The following LRP6 variants were observed in gnomAD, a reference collection of about 807,000 sequenced individuals.
The protein encoded by LRP6 is low-density lipoprotein receptor-related protein 6.
A neutral mutation model predicts 184.1 loss-of-function variants in LRP6; 43 were observed. The ratio of observed to expected loss-of-function variants is 0.23; its 90% CI spans 0.18 to 0.30. The LOEUF is 0.30. Ranked by LOEUF, LRP6 falls within the 10% of genes least tolerant of loss-of-function variation. The pLI, the probability that LRP6 is intolerant of heterozygous loss-of-function variation, is 1.00. For synonymous variants in LRP6, 719 were observed against 684.9 expected (o/e 1.05, Z -0.78); for missense variants, 1,571 against 2,005.3 (o/e 0.78, Z 4.14).
chr12:12,164,618 C>A, intron 8 of LRP6, 56 bp from the exon 9 acceptor site: 1 of 1,534,628 alleles, frequency 6.5e-7, no homozygotes. Flanking sequence ...ATACATTCAA[C>A]ATATTTTCAC....
At chr12:12,167,641 C>CAA (rs375921278) in intron 7 of LRP6, among the ~76,000 whole-genome samples, 9,632 of 118,908 alleles carry the variant, frequency 0.081, 350 homozygotes, top group Middle Eastern at 0.14. Context: ...GACTCTGTCT[C>CAA]AAAAAAAAAA....
intron 15 of LRP6, chr12:12,138,956 A>G: frequency 7.3e-7 from 1 of 1,364,712 alleles, no homozygotes; most frequent in Non-Finnish European, 9.8e-7. Context: ...ACACAATTAG[A>G]AAAAATGACT....
intron 20 of LRP6, among the ~76,000 whole-genome samples, chr12:12,125,954 G>A (rs1209267135): frequency 6.6e-6 from 1 of 152,064 alleles, no homozygotes; most frequent in African/African-American, 2.4e-5. Context: ...CTGAAAATAG[G>A]TATGGCAACA....
intron 2 of LRP6, among the ~76,000 whole-genome samples, chr12:12,232,676 A>G (rs1864823374): frequency 6.6e-6 from 1 of 152,112 alleles, no homozygotes; most frequent in Admixed American, 6.5e-5. Context: ...TGATGAAAAC[A>G]CATAAAAGAT....
intron 2 of LRP6, among the ~76,000 whole-genome samples, chr12:12,228,097 G>A (rs1355772210): frequency 1.3e-5 from 2 of 152,166 alleles, no homozygotes; most frequent in Non-Finnish European, 1.5e-5. Context: ...CTGGCCAGGT[G>A]CAGTGGCTCA....
rs12304957 is a variant in LRP6, at chr12:12,264,352, C to T, written c.55+2329G>A. ...GTAAAGAAACTGAGACCTAGAGAAG[C>T]GGACTAGACCAGAACCACAAAGTTA... On this transcript the variant is annotated intron_variant, in intron 1 of 22. Coordinates refer to ENST00000261349, the MANE Select transcript of LRP6 (RefSeq NM_002336.3). Among the ~76,000 whole-genome samples, 237 of 152,136 alleles carry T rather than the reference C, an allele frequency of 1.6e-3. 1 individual carries two copies. The highest frequency in any genetic ancestry group is 5.4e-3 in the Admixed American group (82 of 15,272).
chr12:12,137,507 GA>G (rs1013538353), intron 16 of LRP6, among the ~76,000 whole-genome samples: 3 of 152,000 alleles, frequency 2.0e-5, no homozygotes, highest in South Asian at 2.1e-4. Flanking sequence ...CAAAGGGGGG[GA>G]AAAAAACCAA....
chr12:12,244,195 GGTGT>G, intron 2 of LRP6, 63 bp downstream of exon 2: 1 of 1,465,532 alleles, frequency 6.8e-7, no homozygotes, highest in Non-Finnish European at 9.5e-7. Context: ...GGGTCAGGGT[GGTGT>G]ATGTCAGTGG....
chr12:12,193,755 G>C (rs1379371356), intron 3 of LRP6, among the ~76,000 whole-genome samples: 2 of 152,058 alleles, frequency 1.3e-5, no homozygotes, highest in Non-Finnish European at 2.9e-5. Flanking sequence ...TTCCCAAAAA[G>C]AAATCCCCAT....
chr12:12,260,821 G>C (rs567270935), intron 1 of LRP6, among the ~76,000 whole-genome samples: 18 of 152,302 alleles, frequency 1.2e-4, no homozygotes, highest in Non-Finnish European at 2.9e-5. Flanking sequence ...TTCTGCTATA[G>C]TACCTTCCAT....
rs1555113238 is a variant in LRP6 at position 12,184,389 on chromosome 12, A to AAAAC, written c.845-282_845-279dup. 0.34 allele frequency among the ~76,000 whole-genome samples: 35,593 copies of AAAAC among 106,242 alleles called. 4,933 individuals are homozygous for AAAAC. The highest frequency in any genetic ancestry group is 0.46 in the African/African-American group (15,769 of 34,552). The allele number at this position is 106,242 out of a possible 152,430, so 69.7% of individuals were successfully genotyped here. On this transcript the variant is annotated intron_variant, in intron 4 of 22. Coordinates refer to ENST00000261349, the MANE Select transcript of LRP6 (RefSeq NM_002336.3). ...ACAAAATTAACAAAAAGCAAAACTAAAAACAAACAAACAAACAAACAAAAC... is the reference window on the plus strand; with the variant it reads ...ACAAAATTAACAAAAAGCAAAACTAAAAACAAACAAACAAACAAACAAACAAAAC...
At chr12:12,219,555 T>C (rs1006287450) in intron 2 of LRP6, among the ~76,000 whole-genome samples, 2 of 152,046 alleles carry the variant, frequency 1.3e-5, no homozygotes, top group African/African-American at 4.8e-5. Context: ...TTTTCAACAT[T>C]AGAAAGGGGG....
rs1299216550 is a variant in LRP6 at position 12,117,465 on chromosome 12, C to T, written c.*3661G>A. ...TTTTGTTTCTGAATCTTGTTAGATA[C>T]GTAATGATAACCAATATGTAATTCC... On this transcript the variant is annotated 3_prime_UTR_variant, in exon 23 of 23. Transcript: ENST00000261349. 6.6e-6 allele frequency: 1 copy of T among 152,184 alleles called. No individual in the cohort carries two copies. Among genetic ancestry groups the T allele is most frequent in the Non-Finnish European group, 1.5e-5 (1 of 68,016 alleles). 9.4% of individuals were successfully genotyped at this position (152,184 alleles called of 1,614,324 possible). A position where few individuals can be genotyped will look rare whatever the true frequency, so the allele number is the denominator to read the frequency against.
In LRP6 at chr12:12,186,994, A is replaced by G; in HGVS notation, c.773T>C (p.Leu258Pro). ...GAAGATGTCAGAATGGATTTCACGC[A>G]GACCCTCACCAGTATACTTGTTGCA... ...LACNKYTGEG[L>P]REIHSDIFSP... The change falls in exon 4 of 23, where the codon CTG becomes CCG. Residue 258 changes from leucine to proline, a missense_variant. Around this residue, in one of 4 missense-constraint regions of LRP6, gnomAD observed 640 missense variants for 851.9 expected, o/e 0.75. Transcript: ENST00000261349. 1 of 1,614,174 alleles carries G rather than the reference A, an allele frequency of 6.2e-7. No homozygotes were observed. Among genetic ancestry groups the G allele is most frequent in the Non-Finnish European group, 8.5e-7 (1 of 1,180,010 alleles).
chr12:12,201,511 T>G (rs531386010), intron 3 of LRP6, among the ~76,000 whole-genome samples: 1 of 152,260 alleles, frequency 6.6e-6, no homozygotes, highest in African/African-American at 2.4e-5. Context: ...TCAAGTCTTA[T>G]GAGACACCCT....
Position 12,205,325 on chromosome 12 carries a change from C to CAAAAA in LRP6, c.450-1926_450-1925insTTTTT, listed in dbSNP as rs1334062234. On this transcript the variant is annotated intron_variant, in intron 2 of 22. Transcript: ENST00000261349. ...CAACAGAATAAGACTCTGTCTCAAA[C>CAAAAA]AAACAAAAAAAAAAAAAAAAAAAAA... Among the ~76,000 whole-genome samples the CAAAAA allele has an allele frequency of 9.2e-3, 242 of 26,204 alleles. 8 individuals carry two copies. The highest frequency in any genetic ancestry group is 0.021 in the African/African-American group (221 of 10,444). 17.2% of individuals were successfully genotyped at this position (26,204 alleles called of 152,430 possible). A position where few individuals can be genotyped will look rare whatever the true frequency, so the allele number is the denominator to read the frequency against.
chr12:12,228,778 G>C (rs1417601945), intron 2 of LRP6, among the ~76,000 whole-genome samples: 1 of 151,984 alleles, frequency 6.6e-6, no homozygotes, highest in East Asian at 1.9e-4. Flanking sequence ...CACCCACCCC[G>C]CTACTGCCCA....
At chr12:12,220,864 T>C (rs1354987966) in intron 2 of LRP6, among the ~76,000 whole-genome samples, 1 of 152,214 alleles carries the variant, frequency 6.6e-6, no homozygotes, top group African/African-American at 2.4e-5. Flanking sequence ...TCTCCGAAAG[T>C]GCTGGGATTA....
rs576056278 is a variant in LRP6, at chr12:12,176,442, A to T, written c.1545+3368T>A. The stretch of plus-strand genomic sequence containing the variant: ...GAGCCAAATACCACAACCATCTTTT[A>T]AAAAATGTGACATCATTAGCAATGC... On this transcript the variant is annotated intron_variant, in intron 7 of 22. Transcript: ENST00000261349. Among the ~76,000 whole-genome samples the T allele has an allele frequency of 1.5e-4, 23 of 152,318 alleles. No individual in the cohort carries two copies. In the South Asian group the frequency reaches 3.3e-3, roughly 22 times the overall value.
Sources: allele counts gnomAD v4.1 joint callset (sites outside exome capture counted in the v4.1 genomes callset), GRCh38; gene constraint gnomAD v4.1.1; regional missense constraint gnomAD v4.1.1; transcripts MANE v1.5; gene names NCBI Gene and HGNC (gene_info 2026-07-23, HGNC 2026-07-21).